Variants in PCBP3 observed in about 807,000 individuals in gnomAD.
PCBP3 encodes the protein poly(rC) binding protein 3, also known as poly(rC)-binding protein 3.
In PCBP3, 25 loss-of-function variants were observed where a neutral mutation model predicts 52.7. The observed-to-expected ratio is 0.47, with a 90% CI of 0.35 to 0.66. The LOEUF (loss-of-function observed/expected upper bound fraction) is 0.66. Ranked by LOEUF, PCBP3 falls within the 30% of genes least tolerant of loss-of-function variation. The pLI is 0.01. For missense variants in PCBP3, 391 were observed against 490.3 expected (o/e 0.80, Z 1.91); for synonymous variants, 162 against 183.0 (o/e 0.89, Z 0.93).
intron 2 of PCBP3, among the ~76,000 whole-genome samples, chr21:45,696,011 G>A (rs556084717): frequency 1.6e-4 from 24 of 149,912 alleles, no homozygotes; most frequent in African/African-American, 3.9e-4. Flanking sequence ...CCCAGGAGGC[G>A]GAGGTTGCAG....
intron 5 of PCBP3, among the ~76,000 whole-genome samples, chr21:45,888,059 G>A (rs1344742409): frequency 1.3e-5 from 2 of 152,196 alleles, no homozygotes; most frequent in East Asian, 1.9e-4. Flanking sequence ...TCTCTCCTCA[G>A]GAGCACTGGG....
chr21:45,780,813 G>A (rs2090582505), intron 4 of PCBP3, among the ~76,000 whole-genome samples: 1 of 152,174 alleles, frequency 6.6e-6, no homozygotes, highest in African/African-American at 2.4e-5. Context: ...AGAGAGCCAG[G>A]GACCGATGCG....
chr21:45,652,497 G>C (rs917842986), intron 1 of PCBP3, among the ~76,000 whole-genome samples: 1 of 149,188 alleles, frequency 6.7e-6, no homozygotes, highest in Non-Finnish European at 1.5e-5. Context: ...TTGGAGTGCA[G>C]TGGCATGATC....
Position 45,830,800 on chromosome 21 carries a change from C to T in PCBP3, c.-125-19161C>T, listed in dbSNP as rs2093428063. The T allele has an allele frequency of 6.6e-6, 1 of 152,226 alleles. No homozygotes were observed. The highest frequency in any genetic ancestry group is 2.4e-5 in the African/African-American group (1 of 41,446). The allele number at this position is 152,226 out of a possible 1,614,324, so 9.4% of individuals were successfully genotyped here. A position where few individuals can be genotyped will look rare whatever the true frequency, so the allele number is the denominator to read the frequency against. ...AATTGGGTATACGAACATTTATAAG[C>T]CAGTATTATGATGCCGAAAATGTTT... On this transcript the variant is annotated intron_variant, in intron 4 of 17. Coordinates refer to ENST00000681687, the MANE Select transcript of PCBP3 (RefSeq NM_001384156.1). This position sits in a 1 kb window ranked among gnomAD's most constrained non-coding sequence, Gnocchi z 4.4.
intron 4 of PCBP3, among the ~76,000 whole-genome samples, chr21:45,845,735 A>G (rs1186960376): frequency 1.3e-5 from 2 of 152,044 alleles, no homozygotes; most frequent in Admixed American, 1.3e-4. Context: ...TGCCTTTGCC[A>G]TGTGTATGCA....
chr21:45,811,602 A>G (rs2092688791), intron 4 of PCBP3, among the ~76,000 whole-genome samples: 1 of 152,176 alleles, frequency 6.6e-6, no homozygotes, highest in East Asian at 1.9e-4. Flanking sequence ...ACCCTTTTTT[A>G]TTGTGAAACA....
intron 5 of PCBP3, among the ~76,000 whole-genome samples, chr21:45,885,850 G>A (rs1482283907): frequency 1.3e-5 from 2 of 152,178 alleles, no homozygotes; most frequent in South Asian, 2.1e-4. Context: ...AGAGGATTCC[G>A]ACAGCTCTGT....
intron 2 of PCBP3, among the ~76,000 whole-genome samples, chr21:45,686,663 G>A (rs1452215709): frequency 6.6e-6 from 1 of 152,038 alleles, no homozygotes; most frequent in Admixed American, 6.6e-5. Context: ...ATATGTAGAA[G>A]TACTTAAAGG....
intron 5 of PCBP3, among the ~76,000 whole-genome samples, chr21:45,875,862 C>T (rs982033862): frequency 5.9e-5 from 9 of 152,150 alleles, no homozygotes; most frequent in East Asian, 5.8e-4. Flanking sequence ...AGGTGGGATC[C>T]GATGTTGATT....
chr21:45,728,446 G>T (rs2085218462), intron 2 of PCBP3, among the ~76,000 whole-genome samples: 1 of 152,104 alleles, frequency 6.6e-6, no homozygotes, highest in Non-Finnish European at 1.5e-5. Flanking sequence ...CACTTTATCT[G>T]CATGTATTTA....
intron 4 of PCBP3, among the ~76,000 whole-genome samples, chr21:45,839,681 G>GTGT (rs767016863): frequency 3.5e-4 from 53 of 152,234 alleles, no homozygotes; most frequent in African/African-American, 1.2e-3. Context: ...TTATGTCTTA[G>GTGT]TGTTGTTGTT....
intron 4 of PCBP3, among the ~76,000 whole-genome samples, chr21:45,764,111 T>G (rs2089015624): frequency 6.8e-6 from 1 of 148,100 alleles, no homozygotes; most frequent in Non-Finnish European, 1.5e-5. Context: ...TCTCATTCTT[T>G]TTTTTTTCTT....
In PCBP3 at chr21:45,863,199, G is replaced by T. The variant is rs370584627; in HGVS notation, c.10+13104G>T. On this transcript the variant is annotated intron_variant, in intron 5 of 17. Coordinates refer to ENST00000681687, the MANE Select transcript of PCBP3 (RefSeq NM_001384156.1). ...ATGCTGTTTCAGGTACCTCCTCCTG[G>T]TGAGGAATAGCCTCATCCTGCAGTC... Among the ~76,000 whole-genome samples the T allele has an allele frequency of 1.3e-3, 203 of 152,340 alleles. 2 individuals are homozygous for T. Among genetic ancestry groups the T allele is most frequent in the African/African-American group, 4.4e-3 (183 of 41,576 alleles).
intron 3 of PCBP3, among the ~76,000 whole-genome samples, chr21:45,751,977 TG>T (rs976879851): frequency 1.3e-5 from 2 of 152,262 alleles, no homozygotes; most frequent in African/African-American, 4.8e-5. Context: ...TGGTCTTTTT[TG>T]TCCCCTCAAT....
chr21:45,917,877 C>G lies in PCBP3; in HGVS notation c.717+248C>G. The G allele has an allele frequency of 1.9e-6, 1 of 535,834 alleles. No homozygotes were observed. Among genetic ancestry groups the G allele is most frequent in the Non-Finnish European group, 3.5e-6 (1 of 287,890 alleles). The allele number at this position is 535,834 out of a possible 1,614,324, so 33.2% of individuals were successfully genotyped here. A position where few individuals can be genotyped will look rare whatever the true frequency, so the allele number is the denominator to read the frequency against. On this transcript the variant is annotated intron_variant, in intron 13 of 17. Coordinates refer to ENST00000681687, the MANE Select transcript of PCBP3 (RefSeq NM_001384156.1). The surrounding 1 kb of genome is among the most constrained non-coding windows in gnomAD (Gnocchi z 5.3). The stretch of plus-strand genomic sequence containing the variant: ...CAATTCTGCCGCAGTCCTGGGTTTT[C>G]CTCCCTCCCACGGGGCCTGGGAGGG...
intron 2 of PCBP3, among the ~76,000 whole-genome samples, chr21:45,716,794 G>T (rs1237613835): frequency 6.6e-6 from 1 of 152,184 alleles, no homozygotes; most frequent in Non-Finnish European, 1.5e-5. Context: ...ATTGGGAAAT[G>T]TGAGTCTTCT....
chr21:45,685,272 A>G (rs2082083916), intron 2 of PCBP3, among the ~76,000 whole-genome samples: 1 of 152,198 alleles, frequency 6.6e-6, no homozygotes, highest in Admixed American at 6.6e-5. Flanking sequence ...TTATTGTTTA[A>G]TGGATACAGA....
chr21:45,688,996 A>T (rs1045900020), intron 2 of PCBP3, among the ~76,000 whole-genome samples: 12 of 152,144 alleles, frequency 7.9e-5, no homozygotes, highest in Non-Finnish European at 1.2e-4. Flanking sequence ...GACGAATTCT[A>T]TCAAAAGTTT....
At position 45,794,454 on chromosome 21, in the gene PCBP3, C is replaced by T. The variant is rs544356380; in HGVS notation, c.-126+39002C>T. On this transcript the variant is annotated intron_variant, in intron 4 of 17. Transcript: ENST00000681687. ...ATAGGAGCTCCCTGAGGAATAGGGA[C>T]AGATGCATGACTTCACATCTTGAAC... Among the ~76,000 whole-genome samples the T allele has an allele frequency of 7.2e-5, 11 of 152,314 alleles. No homozygotes were observed. The South Asian group carries it at 2.1e-3, about 29-fold the overall frequency.
Sources: allele counts gnomAD v4.1 joint callset (sites outside exome capture counted in the v4.1 genomes callset), GRCh38; gene constraint gnomAD v4.1.1; non-coding constraint Gnocchi (gnomAD v3.1); transcripts MANE v1.5; gene names NCBI Gene and HGNC (gene_info 2026-07-23, HGNC 2026-07-21).